The following SH3PXD2A variants were observed in gnomAD, a reference collection of about 807,000 sequenced individuals.
The protein encoded by SH3PXD2A is SH3 and PX domains 2A, also known as SH3 and PX domain-containing protein 2A.
A neutral mutation model predicts 115.2 loss-of-function variants in SH3PXD2A; 32 were observed. The observed-to-expected ratio is 0.28, with a 90% CI of 0.21 to 0.37. SH3PXD2A has a LOEUF of 0.37. SH3PXD2A is among the 10% of genes least tolerant of loss of function. The pLI is 1.00. For synonymous variants in SH3PXD2A, 610 were observed against 629.1 expected, an observed-to-expected ratio of 0.97 and a Z score of 0.45; for missense variants, 1,328 against 1,498.7, an observed-to-expected ratio of 0.89 and a Z score of 1.88.
intron 5 of SH3PXD2A, among the ~76,000 whole-genome samples, chr10:103,694,251 C>T (rs74154591): frequency 6.5e-4 from 92 of 140,784 alleles, no homozygotes; most frequent in Middle Eastern, 3.5e-3. Flanking sequence ...CAAACTAGCC[C>T]GCTAGTCTGC....
intron 3 of SH3PXD2A, among the ~76,000 whole-genome samples, chr10:103,757,322 G>A (rs943192870): frequency 6.6e-6 from 1 of 152,180 alleles, no homozygotes; most frequent in Admixed American, 6.5e-5. Flanking sequence ...AGCATGGGGT[G>A]CACTAGAATC....
chr10:103,725,681 G>T (rs766241672), intron 4 of SH3PXD2A, among the ~76,000 whole-genome samples: 3 of 151,910 alleles, frequency 2.0e-5, no homozygotes, highest in Non-Finnish European at 2.9e-5. Flanking sequence ...ACAAAAATTA[G>T]CCAGTGTGGT....
chr10:103,815,085 G>A (rs1564896072), intron 1 of SH3PXD2A, among the ~76,000 whole-genome samples: 1 of 152,128 alleles, frequency 6.6e-6, no homozygotes, highest in Non-Finnish European at 1.5e-5. Flanking sequence ...ACCTAAATGC[G>A]AGAGAGAAAA....
chr10:103,704,127 T>C (rs2145310), intron 5 of SH3PXD2A, among the ~76,000 whole-genome samples: 45,082 of 152,006 alleles, frequency 0.3, 7,044 homozygotes, highest in East Asian at 0.49. Flanking sequence ...CTGCCAGCAC[T>C]GGTTCACCCT....
In SH3PXD2A at chr10:103,611,568, T is replaced by A. The variant is rs776271151; in HGVS notation, c.1308+13A>T. 1.9e-6 allele frequency: 3 copies of A among 1,612,762 alleles called. No homozygotes were observed. In the East Asian group the frequency reaches 6.7e-5, roughly 36 times the overall value. On this transcript the variant is annotated intron_variant, in intron 13 of 14. Transcript: ENST00000369774. ...AAAGGAAGGAAAGGGGAGAAGAAATTCAGTACACATACCAGGCTGGATTCT... is the reference window on the plus strand; with the variant it reads ...AAAGGAAGGAAAGGGGAGAAGAAATACAGTACACATACCAGGCTGGATTCT...
At chr10:103,741,806 C>G (rs2038446747) in intron 3 of SH3PXD2A, among the ~76,000 whole-genome samples, 1 of 152,190 alleles carries the variant, frequency 6.6e-6, no homozygotes, top group South Asian at 2.1e-4. Flanking sequence ...GCAGTTGTCA[C>G]CTAAGGCTGC....
At chr10:103,608,430 G>GAAAAAAAAAAA (rs953168200) in intron 13 of SH3PXD2A, among the ~76,000 whole-genome samples, 1 of 85,328 alleles carries the variant, frequency 1.2e-5, no homozygotes, top group East Asian at 3.1e-4. Flanking sequence ...TCCATGTCAA[G>GAAAAAAAAAAA]AAAAAAAAAA....
At chr10:103,772,254 T>C (rs1244420422) in intron 2 of SH3PXD2A, among the ~76,000 whole-genome samples, 1 of 152,208 alleles carries the variant, frequency 6.6e-6, no homozygotes, top group East Asian at 1.9e-4. Flanking sequence ...AAGCGGGCTC[T>C]AACCTGGTCA....
At chr10:103,847,955 A>G (rs1002549660) in intron 1 of SH3PXD2A, among the ~76,000 whole-genome samples, 1 of 5,116 alleles carries the variant, frequency 2.0e-4, no homozygotes, top group African/African-American at 2.3e-4. Context: ...AAAAAAAACC[A>G]ACTAAAACAA....
chr10:103,731,536 T>C (rs1018423940), intron 4 of SH3PXD2A, among the ~76,000 whole-genome samples: 17 of 152,196 alleles, frequency 1.1e-4, no homozygotes, highest in African/African-American at 3.9e-4. Flanking sequence ...CTGGGTCTAC[T>C]ATCTGGGTTG....
chr10:103,741,370 A>C (rs902774341), intron 3 of SH3PXD2A, among the ~76,000 whole-genome samples: 2 of 152,162 alleles, frequency 1.3e-5, no homozygotes, highest in African/African-American at 2.4e-5. Flanking sequence ...CTCCCCCATG[A>C]AGCCTTCCTT....
intron 6 of SH3PXD2A, chr10:103,678,238 T>G: frequency 1.0e-6 from 1 of 953,674 alleles, no homozygotes; most frequent in Non-Finnish European, 1.5e-6. Flanking sequence ...ACCCCATCCC[T>G]CCCCTCCTCT....
intron 7 of SH3PXD2A, among the ~76,000 whole-genome samples, chr10:103,663,452 T>C (rs1013139271): frequency 6.6e-6 from 1 of 152,272 alleles, no homozygotes; most frequent in Non-Finnish European, 1.5e-5. Context: ...TGTCTTTCCA[T>C]TGCAGAATAA....
At chr10:103,775,357 C>T (rs2038867785) in intron 2 of SH3PXD2A, among the ~76,000 whole-genome samples, 1 of 152,176 alleles carries the variant, frequency 6.6e-6, no homozygotes, top group African/African-American at 2.4e-5. Flanking sequence ...GGGACACCCA[C>T]ATGGGTACAA....
At chr10:103,740,309 G>C (rs1451505747) in intron 3 of SH3PXD2A, among the ~76,000 whole-genome samples, 86 of 152,344 alleles carry the variant, frequency 5.6e-4, no homozygotes, top group Non-Finnish European at 5.9e-5. Context: ...AGCTTAGAGA[G>C]TGTGGGGGAG....
chr10:103,607,802 T>C (rs368096552), intron 13 of SH3PXD2A, among the ~76,000 whole-genome samples: 2 of 152,192 alleles, frequency 1.3e-5, no homozygotes, highest in Non-Finnish European at 1.5e-5. Context: ...TTTTGTTCTG[T>C]ACTAAGAAAA....
At chr10:103,853,869 C>CTGG (rs1198821829) in intron 1 of SH3PXD2A, among the ~76,000 whole-genome samples, 2 of 152,228 alleles carry the variant, frequency 1.3e-5, no homozygotes, top group Non-Finnish European at 2.9e-5. Context: ...GGTTGACCAC[C>CTGG]TGGTGACCCA....
At chr10:103,754,607 G>T (rs1228087996) in intron 3 of SH3PXD2A, 1 of 152,170 alleles carries the variant, frequency 6.6e-6, no homozygotes, top group African/African-American at 2.4e-5. Flanking sequence ...AGGGAGGGGA[G>T]AGAGAATGTT....
chr10:103,661,948 C>T, intron 7 of SH3PXD2A: 19 of 985,364 alleles, frequency 1.9e-5, no homozygotes, highest in Non-Finnish European at 2.2e-5. Flanking sequence ...GTTCCTGCCC[C>T]TCGGGCTCAC....
Sources: allele counts gnomAD v4.1 joint callset (sites outside exome capture counted in the v4.1 genomes callset), GRCh38; gene constraint gnomAD v4.1.1; transcripts MANE v1.5; gene names NCBI Gene and HGNC (gene_info 2026-07-23, HGNC 2026-07-21).